Variants in PREX1 observed in about 807,000 individuals in gnomAD.
PREX1 encodes phosphatidylinositol 3,4,5-trisphosphate-dependent Rac exchanger 1 protein.
In PREX1, 41 loss-of-function variants were observed where a neutral mutation model predicts 198.3. That is an observed-to-expected ratio of 0.21 (90% CI 0.16 to 0.27). The LOEUF is 0.27. Among genes scored for constraint, PREX1 ranks in the 10% least tolerant of loss-of-function variants. PREX1 has a pLI of 1.00. For missense variants in PREX1, 1,620 were observed against 2,200.7 expected (o/e 0.74, Z 5.28); for synonymous variants, 843 against 887.2 (o/e 0.95, Z 0.89).
chr20:48,886,587 C>T, the PREX1 span, among the ~76,000 whole-genome samples: 1 of 152,180 alleles, frequency 6.6e-6, no homozygotes, highest in Admixed American at 6.5e-5. Context: ...AGAAAGCCCC[C>T]AGAAGCTAGG....
At chr20:48,739,358 T>A (rs1403050613) in intron 3 of PREX1, among the ~76,000 whole-genome samples, 1 of 152,096 alleles carries the variant, frequency 6.6e-6, no homozygotes. Context: ...AGACACATAT[T>A]TTTTTTAGTA....
intron 20 of PREX1, 33 bp from the exon 21 acceptor site, chr20:48,652,739 GT>G: frequency 6.3e-7 from 1 of 1,597,852 alleles, no homozygotes; most frequent in Non-Finnish European, 8.5e-7. Context: ...GACAGCCATG[GT>G]GCCGGCAGGT....
chr20:48,725,054 C>T (rs920887339), intron 5 of PREX1, among the ~76,000 whole-genome samples: 12 of 152,192 alleles, frequency 7.9e-5, no homozygotes, highest in African/African-American at 2.9e-4. Context: ...GTCCTGTGTT[C>T]GTGGGCAGAG....
At position 48,649,987 on chromosome 20, in the gene PREX1, C is replaced by A. The variant is rs2089480379; in HGVS notation, c.3028+9G>T. On this transcript the variant is annotated intron_variant, in intron 24 of 39. Transcript: ENST00000371941. ...CTGAACACAGTTTCTAATAGACACA[C>A]ACAGGTACCTTGCTCCGGGTCAAGG... The A allele has an allele frequency of 6.2e-7, 1 of 1,613,370 alleles. No individual in the cohort carries two copies. The highest frequency in any genetic ancestry group is 2.2e-5 in the East Asian group (1 of 44,882).
chr20:48,695,001 G>T (rs2089838122), intron 7 of PREX1, among the ~76,000 whole-genome samples: 1 of 152,084 alleles, frequency 6.6e-6, no homozygotes, highest in African/African-American at 2.4e-5. Flanking sequence ...ATACATATGT[G>T]CATATACATA....
rs556123935 is a variant in PREX1 at position 48,654,822 on chromosome 20, G to A, written c.2209+468C>T. The stretch of plus-strand genomic sequence containing the variant: ...GGTTCCATCTCCAAGACATAGTGAC[G>A]CCTTTAATAGCACACAAGGAATAGG... On this transcript the variant is annotated intron_variant, in intron 19 of 39. Transcript: ENST00000371941. Among the ~76,000 whole-genome samples, 8 of 152,334 alleles carry A rather than the reference G, an allele frequency of 5.3e-5. No homozygotes were observed. The East Asian group carries it at 1.3e-3, about 26-fold the overall frequency.
At position 48,681,340 on chromosome 20, in the gene PREX1, C is replaced by G. The variant is rs201560904; in HGVS notation, c.1335-5G>C. On this transcript the variant is annotated splice_polypyrimidine_tract_variant and splice_region_variant and intron_variant, in intron 10 of 39. Transcript: ENST00000371941. ...AGGAGCCAGGCAACGAACTCACTGC[C>G]AGGAACACAATATGTGGTTGAGAGG... 6.2e-7 allele frequency: 1 copy of G among 1,613,932 alleles called. No homozygotes were observed. The highest frequency in any genetic ancestry group is 2.2e-5 in the East Asian group (1 of 44,886).
chr20:48,688,038 C>G (rs1028220012), intron 10 of PREX1, among the ~76,000 whole-genome samples: 5 of 151,978 alleles, frequency 3.3e-5, no homozygotes, highest in African/African-American at 1.2e-4. Flanking sequence ...CAATACATTT[C>G]TGTTGTTTAA....
intron 1 of PREX1, among the ~76,000 whole-genome samples, chr20:48,823,593 G>C (rs1055757775): frequency 1.3e-5 from 2 of 152,202 alleles, no homozygotes; most frequent in African/African-American, 4.8e-5. Flanking sequence ...AACAGACCCG[G>C]AGCCCAGAGC....
At chr20:48,874,153 T>TG in the PREX1 span, among the ~76,000 whole-genome samples, 5 of 152,226 alleles carry the variant, frequency 3.3e-5, no homozygotes, top group Non-Finnish European at 7.3e-5. Flanking sequence ...ATTAGGCATT[T>TG]GGGGTCACCA....
intron 1 of PREX1, among the ~76,000 whole-genome samples, chr20:48,763,251 C>T (rs943481983): frequency 6.6e-6 from 1 of 152,236 alleles, no homozygotes; most frequent in African/African-American, 2.4e-5. Context: ...GAACTGTAGC[C>T]CTTATCGTCA....
chr20:48,851,215 C>T, the PREX1 span, among the ~76,000 whole-genome samples: 1 of 152,102 alleles, frequency 6.6e-6, no homozygotes, highest in Admixed American at 6.6e-5. Flanking sequence ...TGGTCTAAAT[C>T]GCTACTTGAG....
intron 6 of PREX1, among the ~76,000 whole-genome samples, chr20:48,705,263 C>A (rs2089897598): frequency 1.3e-5 from 2 of 152,252 alleles, no homozygotes; most frequent in Admixed American, 1.3e-4. Flanking sequence ...ACTGCCATTT[C>A]CTTGTGCTCA....
At chr20:48,832,934 C>T (rs1413657512), upstream of PREX1, among the ~76,000 whole-genome samples, 2 of 152,214 alleles carry the variant, frequency 1.3e-5, no homozygotes, top group East Asian at 1.9e-4. Context: ...CAATCCCACT[C>T]TGCCACCAAC....
chr20:48,678,396 G>A (rs1016725009), intron 13 of PREX1, among the ~76,000 whole-genome samples: 2 of 152,076 alleles, frequency 1.3e-5, no homozygotes, highest in Non-Finnish European at 2.9e-5. Flanking sequence ...GCCTGAGCCT[G>A]GAGGTTGAGA....
chr20:48,806,404 A>G (rs1049700624), intron 1 of PREX1, among the ~76,000 whole-genome samples: 4 of 152,206 alleles, frequency 2.6e-5, no homozygotes, highest in African/African-American at 7.2e-5. Context: ...TCTGCCCCAC[A>G]GTAGGTGTTT....
At chr20:48,813,066 C>G (rs2065487855) in intron 1 of PREX1, among the ~76,000 whole-genome samples, 1 of 152,258 alleles carries the variant, frequency 6.6e-6, no homozygotes, top group Non-Finnish European at 1.5e-5. Context: ...GCTCCACACC[C>G]AGCACTCACC....
intron 27 of PREX1, 35 bp downstream of exon 27, chr20:48,644,374 T>A: frequency 6.5e-7 from 1 of 1,543,866 alleles, no homozygotes. Context: ...GAGGAGCCTC[T>A]CTCCCTGAGC....
chr20:48,641,824 A>AAGAGAG (rs1173427956), intron 29 of PREX1, among the ~76,000 whole-genome samples: 2 of 114,888 alleles, frequency 1.7e-5, no homozygotes, highest in African/African-American at 7.8e-5. Context: ...GAAAGAAAGA[A>AAGAGAG]AGAGAGAGAG....
Sources: gnomAD v4.1 joint callset for allele counts (sites outside exome capture counted in the v4.1 genomes callset) on GRCh38, gnomAD v4.1.1 for gene constraint, MANE v1.5 for transcripts, NCBI Gene and HGNC (gene_info 2026-07-23, HGNC 2026-07-21) for gene names.